The following PRELID2 variants were observed in gnomAD, a reference collection of about 807,000 sequenced individuals.
PRELID2 encodes PRELI domain containing 2, also known as PRELI domain-containing protein 2.
PRELID2 carries 25 observed loss-of-function variants against 28.4 expected under a neutral mutation model. That is an observed-to-expected ratio of 0.88 (90% CI 0.64 to 1.23). The LOEUF is 1.23. Among genes scored for constraint, PRELID2 ranks in the 50% most tolerant of loss-of-function variants. PRELID2 has a pLI of 0.00. For synonymous variants in PRELID2, 76 were observed against 71.6 expected, an observed-to-expected ratio of 1.06 and a Z score of -0.31; for missense variants, 201 against 214.4, an observed-to-expected ratio of 0.94 and a Z score of 0.39.
the PRELID2 span, among the ~76,000 whole-genome samples, chr5:145,463,557 C>T: frequency 6.6e-6 from 1 of 151,964 alleles, no homozygotes; most frequent in African/African-American, 2.4e-5. Context: ...ATATTATGAC[C>T]ATTGTGTTCC....
chr5:145,537,456 C>T (rs1336400531), intron 1 of PRELID2, among the ~76,000 whole-genome samples: 1 of 151,832 alleles, frequency 6.6e-6, no homozygotes, highest in East Asian at 1.9e-4. Flanking sequence ...TAAGTTTCCC[C>T]TTTTATCCAC....
chr5:145,768,620 C>T (rs1757919089), intron 5 of PRELID2, among the ~76,000 whole-genome samples: 1 of 152,094 alleles, frequency 6.6e-6, no homozygotes. Context: ...AGCATAAATC[C>T]AGACGGTATG....
chr5:145,340,783 A>G, the PRELID2 span, among the ~76,000 whole-genome samples: 3 of 144,086 alleles, frequency 2.1e-5, no homozygotes, highest in African/African-American at 7.6e-5. Flanking sequence ...ATATATATAT[A>G]TATATATATA....
chr5:145,673,039 A>G (rs1480992566), intron 1 of PRELID2, among the ~76,000 whole-genome samples: 1 of 152,198 alleles, frequency 6.6e-6, no homozygotes, highest in African/African-American at 2.4e-5. Context: ...TCTGGAGGAA[A>G]TAGAGTGCCA....
intron 1 of PRELID2, among the ~76,000 whole-genome samples, chr5:145,740,691 AT>A (rs1449890676): frequency 4.7e-4 from 2 of 4,294 alleles, no homozygotes; most frequent in African/African-American, 7.8e-4. Context: ...TATTTAATAT[AT>A]TATTTATATT....
At chr5:145,528,295 G>A (rs145955743) in intron 1 of PRELID2, among the ~76,000 whole-genome samples, 156 of 152,200 alleles carry the variant, frequency 1.0e-3, no homozygotes, top group African/African-American at 3.5e-3. Flanking sequence ...ATTTGATTTT[G>A]CTCTTCGTAG....
chr5:145,403,868 C>T, the PRELID2 span, among the ~76,000 whole-genome samples: 1 of 152,108 alleles, frequency 6.6e-6, no homozygotes, highest in African/African-American at 2.4e-5. Flanking sequence ...AAGAGAAACT[C>T]CTCAAGAGAC....
chr5:145,400,084 C>T, the PRELID2 span, among the ~76,000 whole-genome samples: 32 of 152,194 alleles, frequency 2.1e-4, 1 homozygote, highest in South Asian at 6.6e-3. Flanking sequence ...GGTTTCTGGA[C>T]CTTTATTGGA....
At chr5:145,602,663 T>G (rs1336941884) in intron 1 of PRELID2, among the ~76,000 whole-genome samples, 2 of 151,988 alleles carry the variant, frequency 1.3e-5, no homozygotes, top group South Asian at 4.1e-4. Context: ...GGAAATAAAT[T>G]TTTATACATA....
chr5:145,322,525 CTA>C, the PRELID2 span, among the ~76,000 whole-genome samples: 1 of 152,160 alleles, frequency 6.6e-6, no homozygotes, highest in Admixed American at 6.5e-5. Context: ...TAACACATTT[CTA>C]TGTTAGTGTA....
chr5:145,401,979 T>G, the PRELID2 span, among the ~76,000 whole-genome samples: 1 of 152,200 alleles, frequency 6.6e-6, no homozygotes, highest in Non-Finnish European at 1.5e-5. Flanking sequence ...CCCCGTTGCT[T>G]CTAAGTTATA....
intron 1 of PRELID2, among the ~76,000 whole-genome samples, chr5:145,706,602 T>C (rs2149706880): frequency 6.6e-6 from 1 of 152,318 alleles, no homozygotes; most frequent in South Asian, 2.1e-4. Flanking sequence ...TCCTGTGCAC[T>C]AGGCACTACG....
intron 1 of PRELID2, among the ~76,000 whole-genome samples, chr5:145,591,318 C>T (rs1009290559): frequency 6.6e-6 from 1 of 151,640 alleles, no homozygotes; most frequent in African/African-American, 2.4e-5. Context: ...AAAATTGAGA[C>T]CCACATTGAT....
chr5:145,329,078 A>G, the PRELID2 span, among the ~76,000 whole-genome samples: 1 of 152,132 alleles, frequency 6.6e-6, no homozygotes, highest in East Asian at 1.9e-4. Flanking sequence ...CAAAGATCAG[A>G]TGGTGGTAGA....
the PRELID2 span, among the ~76,000 whole-genome samples, chr5:145,332,326 G>T: frequency 6.6e-6 from 1 of 152,138 alleles, no homozygotes; most frequent in Non-Finnish European, 1.5e-5. Context: ...TGGCTAGGCT[G>T]GGGAAGTTCT....
chr5:145,349,855 C>T, the PRELID2 span, among the ~76,000 whole-genome samples: 1 of 152,080 alleles, frequency 6.6e-6, no homozygotes, highest in Non-Finnish European at 1.5e-5. Context: ...AATTTAAAAA[C>T]TACTGCTTAG....
At chr5:145,523,463 C>G (rs1167549091) in intron 1 of PRELID2, among the ~76,000 whole-genome samples, 1 of 152,178 alleles carries the variant, frequency 6.6e-6, no homozygotes, top group Non-Finnish European at 1.5e-5. Flanking sequence ...ATACCACACA[C>G]TGGAAGACTT....
Position 145,756,631 on chromosome 5 carries a change from G to A in PRELID2, c.*3905C>T, listed in dbSNP as rs76794618. 7.3e-4 allele frequency among the ~76,000 whole-genome samples: 111 copies of A among 152,336 alleles called. No individual in the cohort carries two copies. The East Asian group carries it at 0.016, about 22-fold the overall frequency. ...GTTCACAAATATGACAACTGCAGAT[G>A]AGGATAAAGAAGTAAGTTAGGGGAA... On this transcript the variant is annotated 3_prime_UTR_variant, in exon 7 of 7. Transcript: ENST00000683046.
At chr5:145,531,812 T>C (rs17103350) in intron 1 of PRELID2, among the ~76,000 whole-genome samples, 7,259 of 152,260 alleles carry the variant, frequency 0.048, 452 homozygotes, top group African/African-American at 0.14. Context: ...ATATCTACTG[T>C]CCTGTTTCTA....
Sources: gnomAD v4.1 joint callset for allele counts (sites outside exome capture counted in the v4.1 genomes callset) on GRCh38, gnomAD v4.1.1 for gene constraint, MANE v1.5 for transcripts, NCBI Gene and HGNC (gene_info 2026-07-23, HGNC 2026-07-21) for gene names.